Variants in LAMB4 observed in about 807,000 individuals in gnomAD.
The protein encoded by LAMB4 is laminin subunit beta 4.
LAMB4 carries 196 observed loss-of-function variants against 199.2 expected under a neutral mutation model. The ratio of observed to expected loss-of-function variants is 0.98; its 90% CI spans 0.88 to 1.11. LAMB4 has a LOEUF of 1.11. Ranked by LOEUF, LAMB4 falls within the 50% of genes least tolerant of loss-of-function variation. LAMB4 has a pLI of 0.00. For missense variants in LAMB4, 2,080 were observed against 2,171.2 expected, an observed-to-expected ratio of 0.96 and a Z score of 0.83; for synonymous variants, 744 against 770.6, an observed-to-expected ratio of 0.97 and a Z score of 0.57.
chr7:108,123,400 G>T (rs758794775), intron 1 of LAMB4, among the ~76,000 whole-genome samples: 1 of 152,218 alleles, frequency 6.6e-6, no homozygotes, highest in South Asian at 2.1e-4. Context: ...GCCATTTTTT[G>T]AAATCACAGA....
Position 108,103,092 on chromosome 7 carries a change from A to C in LAMB4, c.1132T>G (p.Phe378Val), listed in dbSNP as rs548584133. The C allele has an allele frequency of 1.2e-6, 2 of 1,612,924 alleles. No individual in the cohort carries two copies. The highest frequency in any genetic ancestry group is 4.5e-5 in the East Asian group (2 of 44,832). ...ATGGTCTTGAGCGGGTCCCTGTAGAAGAGGGGTCTGCAGCGGTCGCAGTGC... is the reference window on the plus strand; with the variant it reads ...ATGGTCTTGAGCGGGTCCCTGTAGACGAGGGGTCTGCAGCGGTCGCAGTGC... ...GQHCDRCRPL[F>V]YRDPLKTISD... Residue 378 changes from phenylalanine to valine, a missense_variant, in exon 10 of 34, where the codon TTC becomes GTC. Physicochemically the swap from Phe to Val is conservative, Grantham distance 50. Transcript: ENST00000388781.
chr7:108,029,172 AT>A lies in LAMB4; in HGVS notation c.5016del (p.Gln1672HisfsTer14). The A allele has an allele frequency of 1.9e-6, 3 of 1,612,170 alleles. No homozygotes were observed. The highest frequency in any genetic ancestry group is 2.5e-6 in the Non-Finnish European group (3 of 1,179,564). ...CTTGTCTTACGTTGGAGAATAGCAT[AT>A]TGTTTTTTCAGCTCAACAAATTCCT... Reference protein sequence around the residue: ...LEKEFVELKKQYAILQRKTST... With the variant: ...LEKEFVELKKXYAILQRKTST... On this transcript the variant is annotated frameshift_variant, in exon 33 of 34. Coordinates refer to ENST00000388781, the MANE Select transcript of LAMB4 (RefSeq NM_007356.3). LOFTEE classifies it high-confidence loss of function.
At chr7:108,056,302 A>G (rs2035984128) in intron 24 of LAMB4, among the ~76,000 whole-genome samples, 1 of 152,202 alleles carries the variant, frequency 6.6e-6, no homozygotes, top group Non-Finnish European at 1.5e-5. Flanking sequence ...AGTAAGAAGT[A>G]TGATTTAATG....
Position 108,024,003 on chromosome 7 carries a change from G to GA in LAMB4, c.*35dup. The GA allele has an allele frequency of 6.4e-7, 1 of 1,566,404 alleles. No individual in the cohort carries two copies. Among genetic ancestry groups the GA allele is most frequent in the Non-Finnish European group, 8.6e-7 (1 of 1,161,466 alleles). On this transcript the variant is annotated 3_prime_UTR_variant, in exon 34 of 34. Coordinates refer to ENST00000388781, the MANE Select transcript of LAMB4 (RefSeq NM_007356.3). ...CCAGGGGCTTGTACATCAGAAACCAGAAACAAAGGCACAAGCTTTTGCTCT... is the reference window on the plus strand; with the variant it reads ...CCAGGGGCTTGTACATCAGAAACCAGAAAACAAAGGCACAAGCTTTTGCTCT...
intron 8 of LAMB4, 38 bp from the exon 9 acceptor site, chr7:108,104,657 T>C: frequency 6.2e-7 from 1 of 1,604,588 alleles, no homozygotes; most frequent in South Asian, 1.1e-5. Context: ...AAAGAGGGCT[T>C]GTCCTTGGGG....
rs1264887207 is a variant in LAMB4, at chr7:108,104,576, T to C, written c.914A>G (p.Asn305Ser). The change falls in exon 9 of 34, where the codon AAC (asparagine) becomes AGC (serine). Residue 305 changes from asparagine (N) to serine (S), a missense_variant. Physicochemically the swap from Asn to Ser is conservative, Grantham distance 46. Coordinates refer to ENST00000388781, the MANE Select transcript of LAMB4 (RefSeq NM_007356.3). ...GAAGAAGTCCTTGCATCTCTCACAGTTCGGACCATCTGTATTGTGCTGACA... is the reference window on the plus strand; with the variant it reads ...GAAGAAGTCCTTGCATCTCTCACAGCTCGGACCATCTGTATTGTGCTGACA... ...CVCQHNTDGP[N>S]CERCKDFFQD... The C allele has an allele frequency of 1.9e-6, 3 of 1,614,066 alleles. No homozygotes were observed. The highest frequency in any genetic ancestry group is 2.7e-5 in the African/African-American group (2 of 74,930).
chr7:108,021,149 C>T (rs1448638713), downstream of LAMB4, among the ~76,000 whole-genome samples: 2 of 152,110 alleles, frequency 1.3e-5, no homozygotes, highest in African/African-American at 4.8e-5. Context: ...TCATTTTTAT[C>T]TCCCTTTCCT....
intron 2 of LAMB4, among the ~76,000 whole-genome samples, chr7:108,122,511 G>A (rs555576063): frequency 6.6e-6 from 1 of 152,294 alleles, no homozygotes; most frequent in African/African-American, 2.4e-5. Context: ...AGAAAAAGGT[G>A]AGATTCTGAA....
At chr7:108,056,139 AT>A in intron 24 of LAMB4, 132 bp from the exon 25 acceptor site, 1 of 792,356 alleles carries the variant, frequency 1.3e-6, no homozygotes, top group Non-Finnish European at 2.0e-6. Flanking sequence ...TTTAAAGCCA[AT>A]ATAATTTCAG....
At chr7:108,062,614 A>G in intron 23 of LAMB4, 160 bp downstream of exon 23, 1 of 421,958 alleles carries the variant, frequency 2.4e-6, no homozygotes, top group Non-Finnish European at 4.1e-6. Context: ...TTTGGTTTTC[A>G]TTCCTTGATA....
Position 108,043,545 on chromosome 7 carries a change from G to GTTTTTTTTTT in LAMB4, c.4471+197_4471+206dup, listed in dbSNP as rs748169558. On this transcript the variant is annotated intron_variant, in intron 29 of 33. Coordinates refer to ENST00000388781, the MANE Select transcript of LAMB4 (RefSeq NM_007356.3). ...AATATAATTTGGAACTGGCTATGAT[G>GTTTTTTTTTT]TTTTTTTTTTTTTTTTTTTTTTTTT... 5.9e-4 allele frequency among the ~76,000 whole-genome samples: 33 copies of GTTTTTTTTTT among 55,956 alleles called. 2 individuals carry two copies. Among genetic ancestry groups the GTTTTTTTTTT allele is most frequent in the Non-Finnish European group, 7.2e-4 (25 of 34,496 alleles). The allele number at this position is 55,956 out of a possible 152,430, so 36.7% of individuals were successfully genotyped here.
chr7:108,117,173 T>G (rs1272309703), intron 2 of LAMB4, among the ~76,000 whole-genome samples: 2 of 152,232 alleles, frequency 1.3e-5, no homozygotes, highest in African/African-American at 4.8e-5. Flanking sequence ...GAAAATTTCA[T>G]AAATTACCTA....
At chr7:108,129,451 T>A (rs866141069) in intron 1 of LAMB4, among the ~76,000 whole-genome samples, 4 of 152,334 alleles carry the variant, frequency 2.6e-5, no homozygotes, top group Middle Eastern at 6.8e-3. Context: ...CTTTTTTTCA[T>A]GTTATGTCAG....
At chr7:108,068,982 G>T (rs74301079) in intron 18 of LAMB4, among the ~76,000 whole-genome samples, 3 of 152,148 alleles carry the variant, frequency 2.0e-5, no homozygotes, top group African/African-American at 7.2e-5. Flanking sequence ...CACCATGCCC[G>T]GTCCCCCTTA....
intron 10 of LAMB4, among the ~76,000 whole-genome samples, chr7:108,101,638 CA>C (rs1177694013): frequency 6.6e-5 from 10 of 152,120 alleles, no homozygotes; most frequent in Admixed American, 2.0e-4. Flanking sequence ...TATTTGAAAT[CA>C]GGATGGAGTA....
chr7:108,086,466 G>GA (rs1332130446), intron 14 of LAMB4, among the ~76,000 whole-genome samples: 2 of 151,958 alleles, frequency 1.3e-5, no homozygotes, highest in African/African-American at 4.8e-5. Flanking sequence ...ATATAAAACT[G>GA]AAAAAAATTT....
chr7:108,033,988 C>A (rs1280070504), intron 31 of LAMB4, among the ~76,000 whole-genome samples: 1 of 152,006 alleles, frequency 6.6e-6, no homozygotes, highest in Non-Finnish European at 1.5e-5. Context: ...GGTGTTAGTA[C>A]CTGCCTTGGT....
intron 33 of LAMB4, among the ~76,000 whole-genome samples, chr7:108,027,073 T>C (rs922071921): frequency 2.6e-5 from 4 of 152,134 alleles, no homozygotes; most frequent in Non-Finnish European, 4.4e-5. Flanking sequence ...ATAAACAATA[T>C]GACATAAAAA....
chr7:108,087,310 C>G (rs2037219823), intron 14 of LAMB4, among the ~76,000 whole-genome samples: 1 of 152,188 alleles, frequency 6.6e-6, no homozygotes, highest in African/African-American at 2.4e-5. Flanking sequence ...TTCTTTCATT[C>G]AGCCATTTTA....
Sources: gnomAD v4.1 joint callset for allele counts (sites outside exome capture counted in the v4.1 genomes callset) on GRCh38, gnomAD v4.1.1 for gene constraint, MANE v1.5 for transcripts, NCBI Gene and HGNC (gene_info 2026-07-23, HGNC 2026-07-21) for gene names.